NTAQ1: variants seen among roughly 807,000 people sequenced by gnomAD.
The protein encoded by NTAQ1 is N-terminal glutamine amidase 1.
A neutral mutation model predicts 28.2 loss-of-function variants in NTAQ1; 21 were observed. The ratio of observed to expected loss-of-function variants is 0.74; its 90% confidence interval spans 0.53 to 1.07. The LOEUF is 1.07. NTAQ1 is among the 50% of genes least tolerant of loss of function. NTAQ1 has a pLI of 0.00. For synonymous variants in NTAQ1, 105 were observed against 90.0 expected (o/e 1.17, Z -0.94); for missense variants, 264 against 256.6 (o/e 1.03, Z -0.20).
intron 5 of NTAQ1, among the ~76,000 whole-genome samples, chr8:123,440,878 C>T (rs1353858051): frequency 1.3e-5 from 2 of 152,152 alleles, no homozygotes; most frequent in Non-Finnish European, 2.9e-5. Flanking sequence ...CTGAACGCTG[C>T]ATGTTACGAG....
chr8:123,457,305 G>A (rs2130404982), intron 6 of NTAQ1, among the ~76,000 whole-genome samples: 1 of 152,062 alleles, frequency 6.6e-6, no homozygotes, highest in East Asian at 1.9e-4. Flanking sequence ...GACTTCAAGT[G>A]ATCCGCCTGC....
At chr8:123,428,717 C>T (rs1358211420) in intron 2 of NTAQ1, among the ~76,000 whole-genome samples, 1 of 151,982 alleles carries the variant, frequency 6.6e-6, no homozygotes, top group African/African-American at 2.4e-5. Context: ...TTTTGTGTCT[C>T]AGGCTCCCAA....
chr8:123,424,860 G>C (rs907123915), intron 1 of NTAQ1, among the ~76,000 whole-genome samples: 9 of 152,214 alleles, frequency 5.9e-5, no homozygotes, highest in Non-Finnish European at 1.2e-4. Flanking sequence ...TTATGGATTT[G>C]TATGTCTCTG....
At chr8:123,429,642 A>C (rs1375924261) in intron 2 of NTAQ1, among the ~76,000 whole-genome samples, 6 of 152,128 alleles carry the variant, frequency 3.9e-5, no homozygotes, top group Non-Finnish European at 8.8e-5. Flanking sequence ...AGGTGGGCAG[A>C]TCACTTGAGA....
At chr8:123,458,731 C>T (rs1450717879) in intron 6 of NTAQ1, among the ~76,000 whole-genome samples, 2 of 151,660 alleles carry the variant, frequency 1.3e-5, no homozygotes, top group Non-Finnish European at 1.5e-5. Flanking sequence ...CACCATTCTC[C>T]TGCCTCAGCC....
At chr8:123,420,746 C>G (rs566231880) in intron 1 of NTAQ1, among the ~76,000 whole-genome samples, 2 of 151,828 alleles carry the variant, frequency 1.3e-5, no homozygotes, top group African/African-American at 4.8e-5. Context: ...GTGGGCATCA[C>G]CACTTTTTTG....
chr8:123,421,481 T>C (rs1813686207), intron 1 of NTAQ1, among the ~76,000 whole-genome samples: 1 of 151,958 alleles, frequency 6.6e-6, no homozygotes, highest in African/African-American at 2.4e-5. Context: ...TTTCTTCATA[T>C]GCTTATTGGC....
chr8:123,442,925 C>A (rs1815134624), downstream of NTAQ1, among the ~76,000 whole-genome samples: 4 of 152,264 alleles, frequency 2.6e-5, 1 homozygote, highest in Admixed American at 2.6e-4. Context: ...ACTTTCGCCT[C>A]CCGAAGTACT....
intron 4 of NTAQ1, 101 bp downstream of exon 4, chr8:123,436,702 G>A (rs190795514): frequency 8.4e-6 from 11 of 1,310,712 alleles, no homozygotes; most frequent in East Asian, 7.1e-5. Flanking sequence ...TAAAGATCTC[G>A]TCTGACATCA....
At chr8:123,434,123 T>G (rs1814558203) in intron 3 of NTAQ1, among the ~76,000 whole-genome samples, 1 of 151,888 alleles carries the variant, frequency 6.6e-6, no homozygotes, top group African/African-American at 2.4e-5. Flanking sequence ...AACCAGGCGC[T>G]TACCTGCTCC....
chr8:123,467,735 A>G (rs935654870), exon 7 of NTAQ1, among the ~76,000 whole-genome samples: 3 of 152,128 alleles, frequency 2.0e-5, no homozygotes, highest in Admixed American at 6.6e-5. Flanking sequence ...GACAGGTTCA[A>G]GGTATCTATT....
intron 5 of NTAQ1, among the ~76,000 whole-genome samples, chr8:123,440,128 G>A (rs1489371812): frequency 7.0e-6 from 1 of 142,512 alleles, no homozygotes; most frequent in Non-Finnish European, 1.5e-5. Context: ...GAGCCACCAC[G>A]CTGGCCAGGA....
intron 1 of NTAQ1, among the ~76,000 whole-genome samples, chr8:123,425,079 A>G (rs748537417): frequency 1.3e-5 from 2 of 152,130 alleles, no homozygotes; most frequent in Non-Finnish European, 2.9e-5. Flanking sequence ...ACCATATGTC[A>G]TGTTGAAACA....
intron 6 of NTAQ1, among the ~76,000 whole-genome samples, chr8:123,453,123 C>T (rs902475208): frequency 3.9e-5 from 6 of 152,170 alleles, no homozygotes; most frequent in East Asian, 1.9e-4. Flanking sequence ...CCGTAAGTGA[C>T]GGTTGAATCA....
intron 6 of NTAQ1, among the ~76,000 whole-genome samples, chr8:123,462,791 A>G (rs1815866804): frequency 6.6e-6 from 1 of 152,204 alleles, no homozygotes; most frequent in African/African-American, 2.4e-5. Flanking sequence ...TTCCCCAAGC[A>G]TGCCCCCAAT....
intron 5 of NTAQ1, among the ~76,000 whole-genome samples, chr8:123,438,786 GCTCT>G (rs892044184): frequency 3.9e-5 from 6 of 152,136 alleles, no homozygotes; most frequent in East Asian, 1.9e-4. Flanking sequence ...GATTTTTGAG[GCTCT>G]CTATGAAAAG....
intron 6 of NTAQ1, among the ~76,000 whole-genome samples, chr8:123,464,479 G>A (rs1347540001): frequency 6.6e-6 from 1 of 152,180 alleles, no homozygotes; most frequent in African/African-American, 2.4e-5. Context: ...TGAGGAGGAG[G>A]AAGGGTAGAG....
chr8:123,468,258 C>A (rs919743080), exon 7 of NTAQ1, among the ~76,000 whole-genome samples: 1 of 152,206 alleles, frequency 6.6e-6, no homozygotes, highest in African/African-American at 2.4e-5. Context: ...ATAAAACTCA[C>A]TATCTTAAAG....
intron 1 of NTAQ1, among the ~76,000 whole-genome samples, chr8:123,423,293 TTC>T (rs1298154115): frequency 5.1e-5 from 3 of 59,278 alleles, no homozygotes; most frequent in Admixed American, 2.1e-4. Context: ...CTTCCTTCTC[TTC>T]TTTTGTTTTC....
Sources: gnomAD v4.1 joint callset for allele counts (sites outside exome capture counted in the v4.1 genomes callset) on GRCh38, gnomAD v4.1.1 for gene constraint, MANE v1.5 for transcripts, NCBI Gene and HGNC (gene_info 2026-07-23, HGNC 2026-07-21) for gene names.